DDC: variants seen among roughly 807,000 people sequenced by gnomAD.
DDC encodes the protein dopa decarboxylase.
A neutral mutation model predicts 60.0 loss-of-function variants in DDC; 43 were observed. That is an observed-to-expected ratio of 0.72 (90% CI 0.56 to 0.92). The LOEUF is 0.92. Ranked by LOEUF, DDC falls within the 40% of genes least tolerant of loss-of-function variation. The pLI is 0.00. For synonymous variants in DDC, 232 were observed against 234.6 expected (o/e 0.99, Z 0.10); for missense variants, 573 against 620.2 (o/e 0.92, Z 0.81).
chr7:50,515,214 C>A (rs1269000469), intron 6 of DDC, among the ~76,000 whole-genome samples: 2 of 152,200 alleles, frequency 1.3e-5, no homozygotes, highest in African/African-American at 2.4e-5. Context: ...GATTTCTCAG[C>A]AGAAACCCTA....
intron 6 of DDC, among the ~76,000 whole-genome samples, chr7:50,504,277 C>G (rs1286760128): frequency 6.6e-6 from 1 of 152,182 alleles, no homozygotes; most frequent in Admixed American, 6.5e-5. Flanking sequence ...AGACAGAAAA[C>G]TAAGCTCTGA....
At chr7:50,486,895 G>T (rs865828306) in intron 9 of DDC, among the ~76,000 whole-genome samples, 1 of 152,148 alleles carries the variant, frequency 6.6e-6, no homozygotes, top group East Asian at 1.9e-4. Context: ...CTTATCTGTT[G>T]TAAAGTGCTA....
chr7:50,548,756 G>A lies in DDC; in HGVS notation c.-28-4643C>T, dbSNP rs542677717. Reference sequence around the variant, plus strand: ...AAAGATAATCCATGAAGGTGGCTACGGTAAACCATAGATTTTCAATATAGA... The same window carrying A: ...AAAGATAATCCATGAAGGTGGCTACAGTAAACCATAGATTTTCAATATAGA... On this transcript the variant is annotated intron_variant, in intron 1 of 14. Coordinates refer to ENST00000444124, the MANE Select transcript of DDC (RefSeq NM_001082971.2). 5.4e-4 allele frequency among the ~76,000 whole-genome samples: 82 copies of A among 152,248 alleles called. 3 individuals are homozygous for A. In the South Asian group the frequency reaches 0.016, roughly 29 times the overall value.
intron 9 of DDC, among the ~76,000 whole-genome samples, chr7:50,488,324 A>G (rs2042929267): frequency 6.6e-6 from 1 of 152,010 alleles, no homozygotes; most frequent in Admixed American, 6.5e-5. Flanking sequence ...TTTCTTATTA[A>G]AAAGAAATAA....
intron 1 of DDC, among the ~76,000 whole-genome samples, chr7:50,561,833 G>A (rs2153554872): frequency 6.6e-6 from 1 of 152,250 alleles, no homozygotes; most frequent in South Asian, 2.1e-4. Flanking sequence ...CAGCCTGCAG[G>A]TGCCCCTGCC....
chr7:50,489,088 C>T (rs1048011024), intron 9 of DDC, among the ~76,000 whole-genome samples: 5 of 152,198 alleles, frequency 3.3e-5, no homozygotes, highest in African/African-American at 9.7e-5. Context: ...CTCACTGCAG[C>T]CTCTGCCTCC....
intron 3 of DDC, 26 bp downstream of exon 3, chr7:50,539,889 T>C: frequency 6.3e-7 from 1 of 1,583,960 alleles, no homozygotes; most frequent in Non-Finnish European, 8.7e-7. Flanking sequence ...CCAGGACCCC[T>C]TCCCGAGGTG....
intron 14 of DDC, among the ~76,000 whole-genome samples, chr7:50,461,058 T>A (rs550236644): frequency 1.1e-3 from 161 of 148,544 alleles, no homozygotes; most frequent in African/African-American, 3.1e-3. Flanking sequence ...AAAAAAAAAA[T>A]AAATAAATAA....
intron 1 of DDC, among the ~76,000 whole-genome samples, chr7:50,559,796 T>C (rs1251806947): frequency 6.6e-6 from 1 of 152,230 alleles, no homozygotes; most frequent in Non-Finnish European, 1.5e-5. Flanking sequence ...ACTTAACTGC[T>C]GACTCAAGTT....
At chr7:50,483,929 G>T (rs997037848) in intron 9 of DDC, among the ~76,000 whole-genome samples, 6 of 151,514 alleles carry the variant, frequency 4.0e-5, no homozygotes, top group Non-Finnish European at 8.8e-5. Flanking sequence ...ATAATAATTT[G>T]GGTATTTCTG....
At chr7:50,514,360 G>T (rs1352259987) in intron 6 of DDC, among the ~76,000 whole-genome samples, 2 of 152,128 alleles carry the variant, frequency 1.3e-5, no homozygotes, top group Non-Finnish European at 2.9e-5. Context: ...CCCCCTGACA[G>T]AGCCTACACA....
At chr7:50,468,546 C>T (rs1422827372) in intron 12 of DDC, among the ~76,000 whole-genome samples, 4 of 152,188 alleles carry the variant, frequency 2.6e-5, no homozygotes, top group African/African-American at 9.7e-5. Flanking sequence ...TCATAGTGCT[C>T]GGCAGCTCCT....
intron 7 of DDC, among the ~76,000 whole-genome samples, chr7:50,502,742 TTGCTG>T (rs2043290504): frequency 6.6e-6 from 1 of 152,252 alleles, no homozygotes; most frequent in Non-Finnish European, 1.5e-5. Context: ...ACTGCATTCC[TTGCTG>T]TGCAGCAATG....
chr7:50,487,958 A>G (rs149206425), intron 9 of DDC, among the ~76,000 whole-genome samples: 223 of 152,288 alleles, frequency 1.5e-3, no homozygotes, highest in African/African-American at 5.0e-3. Flanking sequence ...TTTGGTAAGT[A>G]AGGCATTTAA....
intron 9 of DDC, among the ~76,000 whole-genome samples, chr7:50,491,250 A>G (rs1308954961): frequency 6.6e-6 from 1 of 152,220 alleles, no homozygotes; most frequent in East Asian, 1.9e-4. Flanking sequence ...CTACTGACAT[A>G]GGGACTTCAG....
At chr7:50,517,852 G>A (rs1283732015) in intron 6 of DDC, among the ~76,000 whole-genome samples, 2 of 143,308 alleles carry the variant, frequency 1.4e-5, no homozygotes, top group African/African-American at 5.1e-5. Context: ...AAAAACCTTA[G>A]GAATATACCT....
chr7:50,555,983 C>T (rs2045174448), intron 1 of DDC, among the ~76,000 whole-genome samples: 1 of 152,194 alleles, frequency 6.6e-6, no homozygotes, highest in South Asian at 2.1e-4. Context: ...GGATTAGAAA[C>T]TTGTAATACC....
At chr7:50,522,767 T>C (rs2043931609) in intron 6 of DDC, among the ~76,000 whole-genome samples, 1 of 152,206 alleles carries the variant, frequency 6.6e-6, no homozygotes, top group African/African-American at 2.4e-5. Flanking sequence ...AGGAGGTTTA[T>C]TGTTCCATTA....
At chr7:50,513,041 AT>A (rs200513501) in intron 6 of DDC, among the ~76,000 whole-genome samples, 1,609 of 152,294 alleles carry the variant, frequency 0.011, 16 homozygotes, top group Middle Eastern at 0.02. Flanking sequence ...ACATTTGTGA[AT>A]TTTAGCTCCA....
Sources: gnomAD v4.1 joint callset for allele counts (sites outside exome capture counted in the v4.1 genomes callset) on GRCh38, gnomAD v4.1.1 for gene constraint, MANE v1.5 for transcripts, NCBI Gene and HGNC (gene_info 2026-07-23, HGNC 2026-07-21) for gene names.